The following FRMD4B variants were observed in gnomAD, a reference collection of about 807,000 sequenced individuals.
FRMD4B encodes FERM domain-containing protein 4B.
In FRMD4B, 74 loss-of-function variants were observed where a neutral mutation model predicts 141.5. That is an observed-to-expected ratio of 0.52 (90% CI 0.43 to 0.63). FRMD4B has a LOEUF of 0.63. Ranked by LOEUF, FRMD4B falls within the 30% of genes least tolerant of loss-of-function variation. The probability of loss-of-function intolerance (pLI) is 0.00; values close to 1 mark genes in which losing one functional copy is unlikely to be tolerated. For synonymous variants in FRMD4B, 506 were observed against 467.9 expected (o/e 1.08, Z -1.05); for missense variants, 1,366 against 1,253.4 (o/e 1.09, Z -1.36).
chr3:69,247,803 C>T (rs948399706), intron 7 of FRMD4B, among the ~76,000 whole-genome samples: 11 of 152,210 alleles, frequency 7.2e-5, no homozygotes, highest in Admixed American at 1.3e-4. Flanking sequence ...CACCCGCCAC[C>T]GCACCCAGCT....
At chr3:69,445,227 C>A (rs1227645647) in intron 1 of FRMD4B, among the ~76,000 whole-genome samples, 2 of 152,206 alleles carry the variant, frequency 1.3e-5, no homozygotes, top group African/African-American at 4.8e-5. Flanking sequence ...ACATTTCCAG[C>A]ACCCACTTAT....
intron 2 of FRMD4B, among the ~76,000 whole-genome samples, chr3:69,422,010 A>C (rs1315082108): frequency 6.6e-6 from 1 of 152,252 alleles, no homozygotes; most frequent in African/African-American, 2.4e-5. Context: ...GTTTCTGCAG[A>C]TCTGTTAATA....
intron 1 of FRMD4B, among the ~76,000 whole-genome samples, chr3:69,524,054 T>TGC (rs1466515053): frequency 1.3e-5 from 2 of 152,216 alleles, no homozygotes; most frequent in African/African-American, 2.4e-5. Context: ...AAGGAACATA[T>TGC]GCTCATTTAC....
intron 22 of FRMD4B, among the ~76,000 whole-genome samples, chr3:69,175,113 G>C (rs1390431664): frequency 6.6e-6 from 1 of 152,162 alleles, no homozygotes; most frequent in Non-Finnish European, 1.5e-5. Context: ...CAATTTGATT[G>C]TAACAGTGAG....
chr3:69,248,144 T>G (rs565459700), intron 7 of FRMD4B, among the ~76,000 whole-genome samples: 1 of 151,870 alleles, frequency 6.6e-6, no homozygotes, highest in South Asian at 2.1e-4. Context: ...CTTATACTCT[T>G]GTTTTTTTTT....
At chr3:69,359,274 G>T (rs1354397782) in intron 1 of FRMD4B, among the ~76,000 whole-genome samples, 2 of 152,174 alleles carry the variant, frequency 1.3e-5, no homozygotes, top group African/African-American at 4.8e-5. Context: ...GTGAGCTCCT[G>T]GATTAAGACT....
At chr3:69,405,105 T>G (rs571589836) in intron 2 of FRMD4B, among the ~76,000 whole-genome samples, 1 of 152,198 alleles carries the variant, frequency 6.6e-6, no homozygotes, top group Non-Finnish European at 1.5e-5. Context: ...TATGACAAAC[T>G]AGGGAATAGG....
chr3:69,286,598 C>T (rs1700696503), intron 5 of FRMD4B, among the ~76,000 whole-genome samples: 1 of 142,436 alleles, frequency 7.0e-6, no homozygotes, highest in African/African-American at 2.6e-5. Context: ...AACAGGTATA[C>T]AGTCTGGATA....
chr3:69,362,464 A>T (rs1703497058), intron 1 of FRMD4B, among the ~76,000 whole-genome samples: 1 of 152,126 alleles, frequency 6.6e-6, no homozygotes, highest in Non-Finnish European at 1.5e-5. Context: ...ACTATCACGA[A>T]GTCAGGAGCT....
At chr3:69,386,894 CG>C (rs1346191372), upstream of FRMD4B, among the ~76,000 whole-genome samples, 1 of 152,180 alleles carries the variant, frequency 6.6e-6, no homozygotes. Context: ...ATAAGAGAAT[CG>C]GTGGTTTAGT....
intron 5 of FRMD4B, among the ~76,000 whole-genome samples, chr3:69,280,812 G>C (rs923640729): frequency 1.3e-5 from 2 of 151,856 alleles, no homozygotes; most frequent in African/African-American, 4.8e-5. Flanking sequence ...TAGAGATGGA[G>C]TTCACTATGT....
chr3:69,196,229 C>G, intron 14 of FRMD4B, 26 bp downstream of exon 14: 2 of 1,539,664 alleles, frequency 1.3e-6, no homozygotes, highest in Non-Finnish European at 1.7e-6. Flanking sequence ...AGATGGCTTG[C>G]ACGTTCTCTA....
intron 21 of FRMD4B, among the ~76,000 whole-genome samples, chr3:69,177,820 G>A (rs1454114657): frequency 6.6e-6 from 1 of 152,174 alleles, no homozygotes; most frequent in African/African-American, 2.4e-5. Context: ...TGTTCCATAA[G>A]TTGACTTATT....
At chr3:69,308,590 A>G (rs1290231350) in intron 3 of FRMD4B, among the ~76,000 whole-genome samples, 1 of 151,842 alleles carries the variant, frequency 6.6e-6, no homozygotes, top group Admixed American at 6.6e-5. Flanking sequence ...GGTGTGCACC[A>G]TCATGCCCCC....
intron 7 of FRMD4B, among the ~76,000 whole-genome samples, chr3:69,240,513 G>A (rs1329456266): frequency 1.4e-5 from 2 of 144,242 alleles, no homozygotes; most frequent in Non-Finnish European, 3.0e-5. Context: ...AAAAGAACAC[G>A]TAAAAGAAAA....
intron 1 of FRMD4B, among the ~76,000 whole-genome samples, chr3:69,509,374 G>A (rs4547709): frequency 0.6 from 90,726 of 152,024 alleles, 29,128 homozygotes; most frequent in African/African-American, 0.86. Context: ...TTTTGCAAAA[G>A]CTAGCTGTTC....
At chr3:69,223,691 T>A (rs908562948) in intron 8 of FRMD4B, among the ~76,000 whole-genome samples, 6 of 151,812 alleles carry the variant, frequency 4.0e-5, no homozygotes, top group Admixed American at 6.6e-5. Context: ...ATACAAAAAT[T>A]AGCCGAGCCT....
intron 22 of FRMD4B, among the ~76,000 whole-genome samples, chr3:69,176,218 G>T (rs2092644244): frequency 6.6e-6 from 1 of 152,148 alleles, no homozygotes; most frequent in Admixed American, 6.5e-5. Flanking sequence ...TAGATTAGGG[G>T]TTAGCAAACT....
intron 4 of FRMD4B, among the ~76,000 whole-genome samples, chr3:69,299,291 C>T (rs1701133941): frequency 6.6e-6 from 1 of 152,198 alleles, no homozygotes; most frequent in Non-Finnish European, 1.5e-5. Flanking sequence ...ATCACCTGAA[C>T]TTTCCATGGC....
Sources: gnomAD v4.1 joint callset for allele counts (sites outside exome capture counted in the v4.1 genomes callset) on GRCh38, gnomAD v4.1.1 for gene constraint, MANE v1.5 for transcripts, NCBI Gene and HGNC (gene_info 2026-07-23, HGNC 2026-07-21) for gene names.